The following CNTNAP2 variants were observed in gnomAD, a reference collection of about 807,000 sequenced individuals.
The protein encoded by CNTNAP2 is contactin-associated protein-like 2.
Under a neutral mutation model 155.2 loss-of-function variants are expected in CNTNAP2, and 98 were observed. The observed-to-expected ratio is 0.63, with a 90% CI of 0.54 to 0.75. The LOEUF (loss-of-function observed/expected upper bound fraction) is 0.75. CNTNAP2 is among the 30% of genes least tolerant of loss of function. CNTNAP2 has a pLI of 0.00. For synonymous variants in CNTNAP2, 651 were observed against 631.2 expected (o/e 1.03, Z -0.47); for missense variants, 1,727 against 1,688.1 (o/e 1.02, Z -0.40).
In CNTNAP2 at chr7:146,834,052, T is replaced by C. The variant is rs147179657; in HGVS notation, c.209-5659T>C. Among the ~76,000 whole-genome samples, 297 of 152,296 alleles carry C rather than the reference T, an allele frequency of 2.0e-3. 1 individual carries two copies. The highest frequency in any genetic ancestry group is 6.6e-3 in the African/African-American group (275 of 41,574). ...CAGCTGATACTTATTTCTCAGCCAG[T>C]TATTAAAGGTAGTTCTAACCCTAAT... is the stretch of plus-strand genomic sequence containing the variant. On this transcript the variant is annotated intron_variant, in intron 2 of 23. Transcript: ENST00000361727.
At chr7:147,329,356 GTAT>G (rs1310274616) in intron 9 of CNTNAP2, among the ~76,000 whole-genome samples, 1 of 151,554 alleles carries the variant, frequency 6.6e-6, no homozygotes, top group African/African-American at 2.4e-5. Flanking sequence ...GATATACACA[GTAT>G]TATAATTTAT....
At chr7:148,221,051 A>C (rs769596302) in intron 19 of CNTNAP2, among the ~76,000 whole-genome samples, 5 of 151,884 alleles carry the variant, frequency 3.3e-5, no homozygotes, top group Non-Finnish European at 5.9e-5. Flanking sequence ...TTTGGTCCTC[A>C]ACTGTATTCG....
chr7:147,415,536 A>G (rs1797177749), intron 10 of CNTNAP2, among the ~76,000 whole-genome samples: 2 of 152,176 alleles, frequency 1.3e-5, no homozygotes, highest in African/African-American at 2.4e-5. Context: ...TTCTGAAGAA[A>G]GTGCCTTGCT....
chr7:147,387,669 G>A (rs1796645607), intron 9 of CNTNAP2, among the ~76,000 whole-genome samples: 1 of 151,752 alleles, frequency 6.6e-6, no homozygotes, highest in Non-Finnish European at 1.5e-5. Flanking sequence ...TGGGGATTGG[G>A]GTATCCATCT....
intron 1 of CNTNAP2, among the ~76,000 whole-genome samples, chr7:146,248,159 A>G (rs188254519): frequency 2.0e-5 from 3 of 152,158 alleles, no homozygotes; most frequent in African/African-American, 4.8e-5. Flanking sequence ...GCGCAGAGAT[A>G]TAAGAGGTCC....
intron 15 of CNTNAP2, among the ~76,000 whole-genome samples, chr7:148,055,652 T>C (rs1228702478): frequency 6.6e-6 from 1 of 152,238 alleles, no homozygotes; most frequent in African/African-American, 2.4e-5. Flanking sequence ...AAAGGATAAA[T>C]GGTAGTCCTG....
chr7:147,499,541 C>A (rs12112731), intron 11 of CNTNAP2, among the ~76,000 whole-genome samples: 43,507 of 151,778 alleles, frequency 0.29, 6,360 homozygotes, highest in East Asian at 0.43. Context: ...AAAAAAAATA[C>A]CGATATAATG....
chr7:148,409,847 C>T lies in CNTNAP2; in HGVS notation c.3796+376C>T, dbSNP rs1406159174. Among the ~76,000 whole-genome samples the T allele has an allele frequency of 4.2e-5, 3 of 70,888 alleles. 1 individual carries two copies. The highest frequency in any genetic ancestry group is 9.0e-5 in the Non-Finnish European group (3 of 33,456). The allele number at this position is 70,888 out of a possible 152,430, so 46.5% of individuals were successfully genotyped here. A position where few individuals can be genotyped will look rare whatever the true frequency, so the allele number is the denominator to read the frequency against. ...CGGGCGGATCACAAGGTCAGGAGAT[C>T]GAGACCATCTTGGCTAACACGGTGA... is the stretch of plus-strand genomic sequence containing the variant. On this transcript the variant is annotated intron_variant, in intron 23 of 23. Transcript: ENST00000361727.
At chr7:147,644,799 A>G (rs957678743) in intron 13 of CNTNAP2, among the ~76,000 whole-genome samples, 5 of 152,178 alleles carry the variant, frequency 3.3e-5, no homozygotes, top group African/African-American at 1.2e-4. Flanking sequence ...TTATTTGTGT[A>G]TCTTACATAC....
At chr7:146,592,576 C>A (rs930061651) in intron 1 of CNTNAP2, among the ~76,000 whole-genome samples, 3 of 152,190 alleles carry the variant, frequency 2.0e-5, no homozygotes, top group Non-Finnish European at 2.9e-5. Context: ...ACATGAAAAT[C>A]CTCCAGATTC....
At chr7:148,253,044 A>AGACAGAT (rs1374332982) in intron 20 of CNTNAP2, among the ~76,000 whole-genome samples, 1,237 of 116,348 alleles carry the variant, frequency 0.011, 4 homozygotes, top group African/African-American at 0.015. Context: ...ATAGATAGAT[A>AGACAGAT]GATAGACAGA....
intron 3 of CNTNAP2, among the ~76,000 whole-genome samples, chr7:147,015,020 T>C (rs1798694458): frequency 6.6e-6 from 1 of 152,050 alleles, no homozygotes; most frequent in Non-Finnish European, 1.5e-5. Context: ...AATTAATTTC[T>C]TAAATTATTT....
intron 1 of CNTNAP2, among the ~76,000 whole-genome samples, chr7:146,650,611 A>G (rs767628002): frequency 6.6e-6 from 1 of 152,130 alleles, no homozygotes; most frequent in Non-Finnish European, 1.5e-5. Flanking sequence ...TGATGGGTGC[A>G]GCAAACCACC....
chr7:147,526,895 T>C (rs538435218), intron 11 of CNTNAP2, among the ~76,000 whole-genome samples: 1 of 152,172 alleles, frequency 6.6e-6, no homozygotes, highest in Admixed American at 6.5e-5. Flanking sequence ...TTCCTTAGAC[T>C]ATAAGCCACG....
intron 13 of CNTNAP2, among the ~76,000 whole-genome samples, chr7:147,813,427 A>G (rs886491299): frequency 6.6e-6 from 1 of 152,294 alleles, no homozygotes; most frequent in Admixed American, 6.5e-5. Context: ...TGTAGTGGAG[A>G]GGAAACTAAT....
At chr7:146,269,405 T>A (rs1800045537) in intron 1 of CNTNAP2, among the ~76,000 whole-genome samples, 1 of 152,102 alleles carries the variant, frequency 6.6e-6, no homozygotes, top group Non-Finnish European at 1.5e-5. Flanking sequence ...AGGGATCCTA[T>A]CCTACAGATG....
intron 13 of CNTNAP2, among the ~76,000 whole-genome samples, chr7:147,784,391 T>C (rs1391623457): frequency 9.4e-6 from 1 of 106,202 alleles, no homozygotes; most frequent in Non-Finnish European, 1.8e-5. Flanking sequence ...CATATATATA[T>C]ATATATATAT....
intron 21 of CNTNAP2, among the ~76,000 whole-genome samples, chr7:148,277,190 G>C (rs568238589): frequency 1.8e-4 from 27 of 152,278 alleles, no homozygotes; most frequent in African/African-American, 5.3e-4. Flanking sequence ...ATGCATGCTG[G>C]TCCTTGAGTT....
At chr7:146,686,299 GA>G (rs58176175) in intron 1 of CNTNAP2, among the ~76,000 whole-genome samples, 7,465 of 149,256 alleles carry the variant, frequency 0.05, 656 homozygotes, top group African/African-American at 0.17. Context: ...TGTCTCAAGG[GA>G]AAAAAAAAAT....
Sources: gnomAD v4.1 joint callset for allele counts (sites outside exome capture counted in the v4.1 genomes callset) on GRCh38, gnomAD v4.1.1 for gene constraint, MANE v1.5 for transcripts, NCBI Gene and HGNC (gene_info 2026-07-23, HGNC 2026-07-21) for gene names.